HECW1: variants seen among roughly 807,000 people sequenced by gnomAD.
HECW1 encodes HECT, C2 and WW domain containing E3 ubiquitin protein ligase 1.
In HECW1, 61 loss-of-function variants were observed where a neutral mutation model predicts 182.3. The observed-to-expected ratio is 0.33, with a 90% CI of 0.27 to 0.41. The LOEUF (loss-of-function observed/expected upper bound fraction) is 0.41, where lower values mean the gene tolerates loss of function less well. HECW1 is among the 10% of genes least tolerant of loss of function. The pLI, the probability that HECW1 is intolerant of heterozygous loss-of-function variation, is 1.00. For missense variants in HECW1, 1,739 were observed against 2,108.9 expected (o/e 0.82, Z 3.44); for synonymous variants, 859 against 832.6 (o/e 1.03, Z -0.55).
chr7:43,548,451 A>C (rs2081657513), intron 26 of HECW1, among the ~76,000 whole-genome samples: 1 of 152,110 alleles, frequency 6.6e-6, no homozygotes, highest in African/African-American at 2.4e-5. Context: ...ATTTCTCTTC[A>C]AAAGGGGGTC....
chr7:43,437,411 C>A (rs939439893), intron 8 of HECW1, among the ~76,000 whole-genome samples: 3 of 152,186 alleles, frequency 2.0e-5, no homozygotes, highest in African/African-American at 7.2e-5. Context: ...ATCTTTTGCA[C>A]ATTTGCGCAA....
chr7:43,423,029 A>T (rs2076245929), intron 8 of HECW1, among the ~76,000 whole-genome samples: 1 of 152,216 alleles, frequency 6.6e-6, no homozygotes, highest in Admixed American at 6.5e-5. Flanking sequence ...TTTAAGATAG[A>T]TCATTCACTT....
rs748217507 is a variant in HECW1, at chr7:43,479,704, G to A, written c.3194G>A (p.Arg1065Gln). The change falls in exon 17 of 30, where the codon CGA (arginine) becomes CAA (glutamine). Residue 1065 changes from arginine (R) to glutamine (Q), a missense_variant. This residue lies in a region of HECW1 where 971 missense variants were observed against 1,029.1 expected (regional missense o/e 0.94). Transcript: ENST00000395891. ...NGRLPNHLTH[R>Q]QHLQRLRSYS... The stretch of plus-strand genomic sequence containing the variant: ...CGTCTTCCCAATCATCTAACTCACC[G>A]ACAGCACCTCCAGAGGCTCCGAAGT... The A allele has an allele frequency of 9.9e-6, 16 of 1,613,676 alleles. No homozygotes were observed. The highest frequency in any genetic ancestry group is 8.3e-5 in the Admixed American group (5 of 59,956).
intron 3 of HECW1, among the ~76,000 whole-genome samples, chr7:43,246,980 C>T (rs1799436269): frequency 6.6e-6 from 1 of 152,150 alleles, no homozygotes; most frequent in South Asian, 2.1e-4. Context: ...AGCCTGAGCA[C>T]CCCTCCATAC....
intron 3 of HECW1, among the ~76,000 whole-genome samples, chr7:43,269,912 G>A (rs776418683): frequency 4.6e-5 from 7 of 152,136 alleles, no homozygotes; most frequent in Non-Finnish European, 8.8e-5. Context: ...TGGGACAACC[G>A]CCATAACAAA....
At chr7:43,381,742 G>C (rs374465715) in intron 6 of HECW1, among the ~76,000 whole-genome samples, 1 of 151,974 alleles carries the variant, frequency 6.6e-6, no homozygotes, top group East Asian at 1.9e-4. Flanking sequence ...TAGGCTGGTC[G>C]CAAACTCTCG....
chr7:43,482,773 C>T (rs1585043972), intron 17 of HECW1, among the ~76,000 whole-genome samples: 3 of 151,892 alleles, frequency 2.0e-5, no homozygotes, highest in Admixed American at 6.6e-5. Context: ...GATGTGGTGG[C>T]GTGCACCTGT....
chr7:43,356,767 A>G (rs760275918), intron 5 of HECW1, among the ~76,000 whole-genome samples: 7 of 152,238 alleles, frequency 4.6e-5, no homozygotes, highest in Non-Finnish European at 1.0e-4. Context: ...ACACATGGAA[A>G]TTAAACTACA....
chr7:43,287,082 G>A (rs1301197745), intron 3 of HECW1, among the ~76,000 whole-genome samples: 1 of 152,166 alleles, frequency 6.6e-6, no homozygotes, highest in African/African-American at 2.4e-5. Flanking sequence ...ACGTAACAAA[G>A]TCCTCATGGA....
chr7:43,461,215 G>T (rs2152892662), intron 13 of HECW1, among the ~76,000 whole-genome samples: 1 of 152,310 alleles, frequency 6.6e-6, no homozygotes, highest in South Asian at 2.1e-4. Flanking sequence ...GGGTGGCCGG[G>T]GCTGGAGACT....
intron 24 of HECW1, among the ~76,000 whole-genome samples, chr7:43,537,961 C>A (rs13234175): frequency 0.094 from 14,311 of 152,178 alleles, 844 homozygotes; most frequent in East Asian, 0.28. Flanking sequence ...GTCGCCACAC[C>A]CCCTGGTTGA....
chr7:43,130,014 C>T (rs1190441709), intron 2 of HECW1, among the ~76,000 whole-genome samples: 2 of 152,186 alleles, frequency 1.3e-5, no homozygotes, highest in African/African-American at 4.8e-5. Context: ...GTTGAATCTA[C>T]AAATGCAGAA....
At chr7:43,157,447 GATAC>G (rs1211508762) in intron 2 of HECW1, among the ~76,000 whole-genome samples, 1 of 152,166 alleles carries the variant, frequency 6.6e-6, no homozygotes, top group African/African-American at 2.4e-5. Flanking sequence ...GTAATATTCA[GATAC>G]TTACATGAAA....
Position 43,442,600 on chromosome 7 carries a change from G to T in HECW1, c.1016G>T (p.Arg339Leu). The change falls in exon 10 of 30, where the codon CGA (arginine) becomes CTA (leucine). Residue 339 changes from arginine (R) to leucine (L), a missense_variant. Transcript: ENST00000395891. ...TDHVSGQLQFRFEITSSIHPD... is the reference protein window; with the variant it reads ...TDHVSGQLQFLFEITSSIHPD... ...CATGTGAGTGGACAGCTGCAATTCCGATTTGAGATCACTTCCTCCATCCAC... is the reference window on the plus strand; with the variant it reads ...CATGTGAGTGGACAGCTGCAATTCCTATTTGAGATCACTTCCTCCATCCAC... 1 of 1,613,692 alleles carries T rather than the reference G, an allele frequency of 6.2e-7. No homozygotes were observed. Among genetic ancestry groups the T allele is most frequent in the Non-Finnish European group, 8.5e-7 (1 of 1,179,678 alleles).
intron 3 of HECW1, among the ~76,000 whole-genome samples, chr7:43,257,120 G>A (rs1256123277): frequency 6.6e-6 from 1 of 152,176 alleles, no homozygotes; most frequent in Non-Finnish European, 1.5e-5. Flanking sequence ...TAAGGGCTGT[G>A]GGGCCACCCG....
intron 3 of HECW1, among the ~76,000 whole-genome samples, chr7:43,245,015 G>A (rs1799248345): frequency 6.6e-6 from 1 of 152,202 alleles, no homozygotes; most frequent in African/African-American, 2.4e-5. Context: ...TCATGCAGAG[G>A]GCAGCTCTCT....
At chr7:43,535,149 A>G (rs2081130310) in intron 24 of HECW1, among the ~76,000 whole-genome samples, 1 of 152,186 alleles carries the variant, frequency 6.6e-6, no homozygotes, top group African/African-American at 2.4e-5. Context: ...GCCTTCCTTG[A>G]ATTGTTGGCA....
intron 2 of HECW1, among the ~76,000 whole-genome samples, chr7:43,215,283 G>A (rs978337891): frequency 6.6e-6 from 1 of 152,204 alleles, no homozygotes; most frequent in African/African-American, 2.4e-5. Context: ...TGCAAGGGTC[G>A]GTTGTCCCCA....
intron 24 of HECW1, among the ~76,000 whole-genome samples, chr7:43,515,799 A>T (rs762111404): frequency 6.6e-6 from 1 of 152,236 alleles, no homozygotes; most frequent in Non-Finnish European, 1.5e-5. Flanking sequence ...TGTCATTGGA[A>T]ACTCTTCACT....
Sources: gnomAD v4.1 joint callset for allele counts (sites outside exome capture counted in the v4.1 genomes callset) on GRCh38, gnomAD v4.1.1 for gene constraint, gnomAD v4.1.1 regional missense constraint, MANE v1.5 for transcripts, NCBI Gene and HGNC (gene_info 2026-07-23, HGNC 2026-07-21) for gene names.